GRK5: variants seen among roughly 807,000 people sequenced by gnomAD.
GRK5 encodes G protein-coupled receptor kinase 5.
GRK5 carries 40 observed loss-of-function variants against 78.4 expected under a neutral mutation model. The observed-to-expected ratio is 0.51, with a 90% CI of 0.40 to 0.66. The LOEUF (loss-of-function observed/expected upper bound fraction) is 0.66. Ranked by LOEUF, GRK5 falls within the 30% of genes least tolerant of loss-of-function variation. The pLI, the probability that GRK5 is intolerant of heterozygous loss-of-function variation, is 0.00. For missense variants in GRK5, 598 were observed against 759.9 expected (o/e 0.79, Z 2.50); for synonymous variants, 289 against 296.8 (o/e 0.97, Z 0.27).
chr10:119,386,931 G>A (rs1851808024), intron 3 of GRK5, among the ~76,000 whole-genome samples: 1 of 152,136 alleles, frequency 6.6e-6, no homozygotes, highest in Non-Finnish European at 1.5e-5. Context: ...TCTACCAAGT[G>A]GAGCTTTTAA....
chr10:119,459,036 G>C lies in GRK5; in HGVS notation c.*3969G>C, dbSNP rs958479939. On this transcript the variant is annotated 3_prime_UTR_variant, in exon 16 of 16. Coordinates refer to ENST00000392870, the MANE Select transcript of GRK5 (RefSeq NM_005308.3). ...CTGAATACCTGTACTTCCAAGAGGT[G>C]GTCTCCTGTTTTCATAACCCAACAC... 2 of 152,194 alleles carry C rather than the reference G, an allele frequency of 1.3e-5. No individual in the cohort carries two copies. The highest frequency in any genetic ancestry group is 4.8e-5 in the African/African-American group (2 of 41,426). The allele number at this position is 152,194 out of a possible 1,614,324, so 9.4% of individuals were successfully genotyped here. A position where few individuals can be genotyped will look rare whatever the true frequency, so the allele number is the denominator to read the frequency against.
At chr10:119,298,438 A>G (rs1487298036) in intron 1 of GRK5, among the ~76,000 whole-genome samples, 1 of 152,164 alleles carries the variant, frequency 6.6e-6, no homozygotes, top group Non-Finnish European at 1.5e-5. Context: ...GGTCCCACCG[A>G]TGGCCGTGAA....
At chr10:119,398,027 C>T (rs2133855784) in intron 4 of GRK5, among the ~76,000 whole-genome samples, 1 of 152,350 alleles carries the variant, frequency 6.6e-6, no homozygotes, top group African/African-American at 2.4e-5. Flanking sequence ...CACTTCTAGG[C>T]ATAGAATAGG....
chr10:119,282,349 C>G (rs564634905), intron 1 of GRK5, among the ~76,000 whole-genome samples: 9 of 152,338 alleles, frequency 5.9e-5, no homozygotes, highest in African/African-American at 1.9e-4. Context: ...GCAGAGCTGT[C>G]TCTTGCTGGG....
intron 3 of GRK5, among the ~76,000 whole-genome samples, chr10:119,385,903 T>C (rs1387513094): frequency 1.3e-5 from 2 of 151,848 alleles, no homozygotes; most frequent in Middle Eastern, 3.2e-3. Flanking sequence ...TAATTTTTAT[T>C]TTTGAGAGTC....
At chr10:119,316,114 T>C (rs1011357497) in intron 1 of GRK5, among the ~76,000 whole-genome samples, 1 of 152,158 alleles carries the variant, frequency 6.6e-6, no homozygotes, top group East Asian at 1.9e-4. Flanking sequence ...TGTGGCCCCA[T>C]TCCTGCTACG....
intron 9 of GRK5, among the ~76,000 whole-genome samples, chr10:119,439,174 C>T (rs1203027251): frequency 1.3e-5 from 2 of 152,266 alleles, no homozygotes; most frequent in African/African-American, 2.4e-5. Flanking sequence ...AGAGAGGAGA[C>T]ATTAGGGACA....
chr10:119,221,982 A>T (rs1032973230), intron 1 of GRK5, among the ~76,000 whole-genome samples: 1 of 152,196 alleles, frequency 6.6e-6, no homozygotes, highest in Non-Finnish European at 1.5e-5. Flanking sequence ...TGGATTTTGC[A>T]TGTGTAAATC....
chr10:119,231,682 G>C (rs544956321), intron 1 of GRK5, among the ~76,000 whole-genome samples: 4 of 146,238 alleles, frequency 2.7e-5, no homozygotes, highest in Non-Finnish European at 4.5e-5. Flanking sequence ...ACTCTAGCCT[G>C]AGTGACAGAG....
intron 1 of GRK5, among the ~76,000 whole-genome samples, chr10:119,305,903 C>G (rs953947819): frequency 1.3e-5 from 2 of 152,158 alleles, no homozygotes; most frequent in Admixed American, 1.3e-4. Flanking sequence ...ATGACATATG[C>G]AAAGGCCCTG....
At chr10:119,232,695 G>A (rs528752227) in intron 1 of GRK5, among the ~76,000 whole-genome samples, 6 of 152,294 alleles carry the variant, frequency 3.9e-5, no homozygotes, top group African/African-American at 9.6e-5. Context: ...CATGTAAGAC[G>A]TGACTTGCTC....
intron 1 of GRK5, among the ~76,000 whole-genome samples, chr10:119,320,104 G>A (rs1021690266): frequency 2.0e-5 from 3 of 152,230 alleles, no homozygotes; most frequent in African/African-American, 7.2e-5. Flanking sequence ...AGCATTCCTG[G>A]CAGAGAAAGC....
At chr10:119,410,324 G>T (rs1314289227) in intron 4 of GRK5, among the ~76,000 whole-genome samples, 2 of 152,050 alleles carry the variant, frequency 1.3e-5, no homozygotes, top group African/African-American at 4.8e-5. Context: ...ATCTTCCCTC[G>T]CTTCCCGACC....
intron 1 of GRK5, among the ~76,000 whole-genome samples, chr10:119,292,276 T>C (rs1849995356): frequency 6.7e-6 from 1 of 149,778 alleles, no homozygotes; most frequent in African/African-American, 2.5e-5. Context: ...CTCCTCCTTC[T>C]CCTCCTCTTC....
At chr10:119,338,535 T>TA (rs1404022285) in intron 2 of GRK5, among the ~76,000 whole-genome samples, 1 of 152,230 alleles carries the variant, frequency 6.6e-6, no homozygotes, top group Non-Finnish European at 1.5e-5. Flanking sequence ...CCCTTGTCAT[T>TA]AAAATCTTCA....
chr10:119,443,377 G>A (rs902508986), intron 11 of GRK5, among the ~76,000 whole-genome samples, 167 bp from the exon 12 acceptor site: 1 of 152,196 alleles, frequency 6.6e-6, no homozygotes, highest in African/African-American at 2.4e-5. Flanking sequence ...AAAGTCCTTC[G>A]GGGGCACAGA....
intron 1 of GRK5, among the ~76,000 whole-genome samples, chr10:119,241,107 C>T (rs994876014): frequency 6.6e-6 from 1 of 152,158 alleles, no homozygotes; most frequent in Admixed American, 6.5e-5. Flanking sequence ...GTGTTCTAGT[C>T]CCTTGTTGCG....
chr10:119,284,475 C>T (rs1378906599), intron 1 of GRK5, among the ~76,000 whole-genome samples: 1 of 152,136 alleles, frequency 6.6e-6, no homozygotes, highest in African/African-American at 2.4e-5. Flanking sequence ...TTTTAGTACA[C>T]CATCAATATG....
In GRK5 at chr10:119,282,201, G is replaced by A. The variant is rs1481440237; in HGVS notation, c.53-44315G>A. On this transcript the variant is annotated intron_variant, in intron 1 of 15. Transcript: ENST00000392870. The stretch of plus-strand genomic sequence containing the variant: ...CTCCTCCCCCCACTCACATTTTGGG[G>A]CCCTAAATTACTTTAGTATCGTGAG... 2.0e-5 allele frequency among the ~76,000 whole-genome samples: 3 copies of A among 152,116 alleles called. No homozygotes were observed. The East Asian group carries it at 5.8e-4, about 29-fold the overall frequency.
Sources: gnomAD v4.1 joint callset for allele counts (sites outside exome capture counted in the v4.1 genomes callset) on GRCh38, gnomAD v4.1.1 for gene constraint, MANE v1.5 for transcripts, NCBI Gene and HGNC (gene_info 2026-07-23, HGNC 2026-07-21) for gene names.